The following MIPOL1 variants were observed in gnomAD, a reference collection of about 807,000 sequenced individuals.
MIPOL1 encodes the protein mirror-image polydactyly 1, also known as mirror-image polydactyly gene 1 protein.
In MIPOL1, 57 loss-of-function variants were observed where a neutral mutation model predicts 60.9. That is an observed-to-expected ratio of 0.94 (90% confidence interval 0.76 to 1.17). MIPOL1 has a LOEUF of 1.17. Ranked by LOEUF, MIPOL1 falls within the 50% of genes most tolerant of loss-of-function variation. The probability of loss-of-function intolerance (pLI) is 0.00; values close to 1 mark genes in which losing one functional copy is unlikely to be tolerated. For missense variants in MIPOL1, 551 were observed against 511.6 expected (o/e 1.08, Z -0.74); for synonymous variants, 179 against 168.8 (o/e 1.06, Z -0.47).
intron 7 of MIPOL1, 87 bp downstream of exon 7, chr14:37,285,534 A>C: frequency 7.4e-7 from 1 of 1,346,264 alleles, no homozygotes; most frequent in Non-Finnish European, 1.0e-6. Flanking sequence ...TAAAAATGTG[A>C]CTTATGCTTA....
At chr14:37,521,910 A>ATAT (rs572835469) in intron 12 of MIPOL1, among the ~76,000 whole-genome samples, 11,013 of 132,434 alleles carry the variant, frequency 0.083, 673 homozygotes, top group East Asian at 0.31. Context: ...ATATATATAT[A>ATAT]TTTTTTTTTT....
At chr14:37,205,037 C>T (rs1335423815) in intron 1 of MIPOL1, among the ~76,000 whole-genome samples, 1 of 152,054 alleles carries the variant, frequency 6.6e-6, no homozygotes, top group Middle Eastern at 3.4e-3. Context: ...GCATTTTGCT[C>T]CTGCCCCAGA....
chr14:37,429,399 T>G (rs2094021257), intron 11 of MIPOL1, among the ~76,000 whole-genome samples: 1 of 152,178 alleles, frequency 6.6e-6, no homozygotes, highest in Non-Finnish European at 1.5e-5. Context: ...TGTTTTAAAT[T>G]TTTATTATAT....
At chr14:37,354,685 C>CTT (rs1468576907) in intron 9 of MIPOL1, among the ~76,000 whole-genome samples, 1 of 54,558 alleles carries the variant, frequency 1.8e-5, no homozygotes, top group African/African-American at 7.1e-5. Context: ...CTCTTTTGAT[C>CTT]TTTGTTGGTT....
At chr14:37,519,502 A>G (rs1476963114) in intron 12 of MIPOL1, among the ~76,000 whole-genome samples, 1 of 151,996 alleles carries the variant, frequency 6.6e-6, no homozygotes, top group East Asian at 1.9e-4. Context: ...TTTCTCATGA[A>G]GTTTTTGTTT....
At chr14:37,303,325 C>G (rs1361754773) in intron 7 of MIPOL1, among the ~76,000 whole-genome samples, 2 of 151,796 alleles carry the variant, frequency 1.3e-5, no homozygotes, top group African/African-American at 4.8e-5. Context: ...CAAAATGAAA[C>G]TTATTAATTC....
intron 9 of MIPOL1, among the ~76,000 whole-genome samples, chr14:37,308,923 G>A (rs1040227305): frequency 1.4e-4 from 22 of 151,970 alleles, no homozygotes; most frequent in East Asian, 1.2e-3. Context: ...AGTAAACCTT[G>A]ATTAATGGAT....
intron 10 of MIPOL1, among the ~76,000 whole-genome samples, chr14:37,415,120 C>G (rs2093741467): frequency 6.6e-6 from 1 of 152,026 alleles, no homozygotes; most frequent in South Asian, 2.1e-4. Flanking sequence ...TGTAATACTA[C>G]TTTTTTGCCA....
chr14:37,220,773 CTATT>C (rs1426366743), intron 1 of MIPOL1, among the ~76,000 whole-genome samples: 1 of 152,074 alleles, frequency 6.6e-6, no homozygotes, highest in Non-Finnish European at 1.5e-5. Context: ...CTACATGTCT[CTATT>C]TGTTTATTTG....
intron 9 of MIPOL1, 80 bp downstream of exon 9, chr14:37,308,599 C>A: frequency 9.6e-7 from 1 of 1,036,848 alleles, no homozygotes; most frequent in Non-Finnish European, 1.3e-6. Flanking sequence ...CTGACTTTGG[C>A]CCAGATATTC....
chr14:37,497,468 AG>A (rs2095149409), intron 11 of MIPOL1, among the ~76,000 whole-genome samples: 1 of 152,224 alleles, frequency 6.6e-6, no homozygotes, highest in Non-Finnish European at 1.5e-5. Flanking sequence ...TTTTTTAAAC[AG>A]TTTACAAAAA....
chr14:37,371,999 A>G (rs1287759388), intron 10 of MIPOL1, among the ~76,000 whole-genome samples: 1 of 152,150 alleles, frequency 6.6e-6, no homozygotes, highest in Non-Finnish European at 1.5e-5. Context: ...TTTAGTTAGT[A>G]TCTAATAAGT....
intron 12 of MIPOL1, among the ~76,000 whole-genome samples, chr14:37,516,596 A>G (rs2095370931): frequency 6.6e-6 from 1 of 152,138 alleles, no homozygotes; most frequent in Admixed American, 6.5e-5. Flanking sequence ...ATGCAAGGAG[A>G]CGTTGTTTAG....
At chr14:37,429,772 C>T (rs1595738463) in intron 11 of MIPOL1, among the ~76,000 whole-genome samples, 3 of 151,602 alleles carry the variant, frequency 2.0e-5, no homozygotes, top group South Asian at 4.2e-4. Flanking sequence ...TTTTTTTGGT[C>T]TGTGTATATA....
At chr14:37,539,197 G>A (rs1043212041) in intron 12 of MIPOL1, among the ~76,000 whole-genome samples, 3 of 151,366 alleles carry the variant, frequency 2.0e-5, no homozygotes, top group Non-Finnish European at 4.4e-5. Context: ...GGGAGACTCC[G>A]TCTCAAAAAA....
intron 9 of MIPOL1, among the ~76,000 whole-genome samples, chr14:37,333,676 A>C (rs1342850633): frequency 2.6e-5 from 4 of 152,160 alleles, no homozygotes; most frequent in Non-Finnish European, 5.9e-5. Context: ...CCAGAAATAC[A>C]TAACAATTCT....
At chr14:37,533,154 A>G (rs1223324701) in intron 12 of MIPOL1, among the ~76,000 whole-genome samples, 1 of 152,142 alleles carries the variant, frequency 6.6e-6, no homozygotes, top group Non-Finnish European at 1.5e-5. Context: ...ACTAAATTTG[A>G]TGTTTTAGAA....
At chr14:37,200,846 ATCTATGTGTGTGTG>A (rs1965137524) in intron 1 of MIPOL1, among the ~76,000 whole-genome samples, 1 of 121,038 alleles carries the variant, frequency 8.3e-6, no homozygotes, top group East Asian at 2.3e-4. Flanking sequence ...TACTATATCT[ATCTATGTGTGTGTG>A]TGTGTGTGTG....
intron 10 of MIPOL1, among the ~76,000 whole-genome samples, chr14:37,420,613 C>T (rs1319996510): frequency 1.3e-5 from 2 of 151,816 alleles, no homozygotes; most frequent in African/African-American, 4.8e-5. Flanking sequence ...CAACAGATAC[C>T]CAACTCAGAC....
Sources: gnomAD v4.1 joint callset for allele counts (sites outside exome capture counted in the v4.1 genomes callset) on GRCh38, gnomAD v4.1.1 for gene constraint, MANE v1.5 for transcripts, NCBI Gene and HGNC (gene_info 2026-07-23, HGNC 2026-07-21) for gene names.